LAMB1: variants seen among roughly 807,000 people sequenced by gnomAD.
LAMB1 encodes laminin subunit beta 1, also known as laminin subunit beta-1.
In LAMB1, 121 loss-of-function variants were observed where a neutral mutation model predicts 222.3. The ratio of observed to expected loss-of-function variants is 0.54; its 90% CI spans 0.47 to 0.63. The LOEUF is 0.63. LAMB1 is among the 30% of genes least tolerant of loss of function. LAMB1 has a pLI of 0.00. For missense variants in LAMB1, 2,172 were observed against 2,240.8 expected (o/e 0.97, Z 0.62); for synonymous variants, 794 against 807.2 (o/e 0.98, Z 0.28).
In LAMB1 at chr7:107,977,975, A is replaced by G. The variant is rs11769960; in HGVS notation, c.1000+72T>C. On this transcript the variant is annotated intron_variant, in intron 9 of 33. Transcript: ENST00000222399. ...ACCCTCTGCAAAACAGTACACTGTT[A>G]CAGTACCTCTAATTAGGAAATGGAT... is the stretch of plus-strand genomic sequence containing the variant. The G allele has an allele frequency of 0.094, 146,344 of 1,562,460 alleles. 7,452 individuals are homozygous for G. Among genetic ancestry groups the G allele is most frequent in the Admixed American group, 0.16 (9,222 of 59,442 alleles).
chr7:107,977,896 G>C, intron 9 of LAMB1, 151 bp downstream of exon 9: 2 of 764,142 alleles, frequency 2.6e-6, no homozygotes, highest in South Asian at 3.6e-5. Flanking sequence ...AATGCAGATT[G>C]TTGGTTGTCT....
chr7:107,965,789 C>T (rs1375806238), intron 13 of LAMB1, among the ~76,000 whole-genome samples: 2 of 152,042 alleles, frequency 1.3e-5, no homozygotes, highest in Non-Finnish European at 2.9e-5. Context: ...GAACACTTTG[C>T]ACTCACAGGC....
chr7:107,991,092 A>C (rs1268440897), intron 5 of LAMB1, among the ~76,000 whole-genome samples: 1 of 152,144 alleles, frequency 6.6e-6, no homozygotes, highest in Non-Finnish European at 1.5e-5. Flanking sequence ...TTTTTTTTAA[A>C]AGATTCAGAA....
chr7:107,975,593 T>C, intron 10 of LAMB1, 96 bp downstream of exon 10: 2 of 1,313,268 alleles, frequency 1.5e-6, no homozygotes, highest in Admixed American at 4.3e-5. Flanking sequence ...ATGCTGGCTT[T>C]ACTGCTCATA....
At chr7:107,998,885 GA>G (rs919376566) in intron 3 of LAMB1, among the ~76,000 whole-genome samples, 3 of 152,068 alleles carry the variant, frequency 2.0e-5, no homozygotes, top group Non-Finnish European at 4.4e-5. Context: ...AAAAATGAAA[GA>G]AAAAAATACA....
chr7:107,963,238 GA>G (rs1334420283), intron 14 of LAMB1, among the ~76,000 whole-genome samples, 175 bp from the exon 15 acceptor site: 6 of 152,174 alleles, frequency 3.9e-5, no homozygotes, highest in Non-Finnish European at 8.8e-5. Context: ...ATCCAAACAG[GA>G]AACTGGTTTC....
At chr7:107,929,673 TC>T in intron 29 of LAMB1, 54 bp from the exon 30 acceptor site, 1 of 1,418,446 alleles carries the variant, frequency 7.0e-7, no homozygotes, top group Non-Finnish European at 9.9e-7. Flanking sequence ...GATGGTTCAT[TC>T]ATTCAACCAC....
At chr7:108,003,026 G>A (rs2034421622) in intron 1 of LAMB1, 55 bp from the exon 2 acceptor site, 5 of 1,461,106 alleles carry the variant, frequency 3.4e-6, no homozygotes, top group South Asian at 2.9e-5. Flanking sequence ...GAGAAGAGGC[G>A]CCCTTCCATT....
At chr7:108,001,526 G>A (rs1344020996) in intron 3 of LAMB1, 32 bp downstream of exon 3, 3 of 1,551,884 alleles carry the variant, frequency 1.9e-6, no homozygotes, top group Non-Finnish European at 2.6e-6. Context: ...GGAGGCGCTA[G>A]CAGAGCCTCG....
chr7:107,950,645 T>C (rs941698109), intron 24 of LAMB1, among the ~76,000 whole-genome samples: 1 of 152,216 alleles, frequency 6.6e-6, no homozygotes, highest in Non-Finnish European at 1.5e-5. Context: ...AGCCCTTTGT[T>C]GTGCACGAAG....
At chr7:107,949,463 T>G (rs1263559470) in intron 24 of LAMB1, among the ~76,000 whole-genome samples, 1 of 152,192 alleles carries the variant, frequency 6.6e-6, no homozygotes, top group East Asian at 1.9e-4. Flanking sequence ...CATTACAAGT[T>G]TGAGGAATTT....
chr7:107,963,210 T>G, intron 14 of LAMB1, 147 bp from the exon 15 acceptor site: 1 of 726,016 alleles, frequency 1.4e-6, no homozygotes, highest in Non-Finnish European at 2.2e-6. Flanking sequence ...CCCTAATAGA[T>G]TGTAAAAAGT....
intron 24 of LAMB1, 71 bp from the exon 25 acceptor site, chr7:107,940,429 AATACTCACTTCAC>A (rs2032954413): frequency 6.8e-7 from 1 of 1,480,470 alleles, no homozygotes; most frequent in African/African-American, 1.4e-5. Flanking sequence ...TGGCATTTAG[AATACTCACTTCAC>A]TGTGAAAATG....
chr7:107,986,416 T>C (rs1010527578), intron 5 of LAMB1, 53 bp from the exon 6 acceptor site: 1 of 1,464,170 alleles, frequency 6.8e-7, no homozygotes, highest in African/African-American at 1.4e-5. Flanking sequence ...TAGTCTCTAC[T>C]TTTTTTAATC....
chr7:107,933,216 G>A (rs1562975215), intron 27 of LAMB1, among the ~76,000 whole-genome samples: 1 of 152,160 alleles, frequency 6.6e-6, no homozygotes, highest in South Asian at 2.1e-4. Context: ...AGGCTGAGCA[G>A]GGAGAAAATT....
At position 107,961,571 on chromosome 7, in the gene LAMB1, C is replaced by A; in HGVS notation, c.1963G>T (p.Val655Leu). 1.9e-6 allele frequency: 3 copies of A among 1,613,914 alleles called. No homozygotes were observed. The South Asian group carries it at 3.3e-5, about 18-fold the overall frequency. ...GACCTTGAGCCTGGTGATAATGACACCACCTGGTTGTCATCATCGGGGATG... is the reference window on the plus strand; with the variant it reads ...GACCTTGAGCCTGGTGATAATGACAACACCTGGTTGTCATCATCGGGGATG... ...NTIPDDDNQV[V>L]SLSPGSRYVV... Residue 655 changes from valine to leucine, a missense_variant, in exon 16 of 34, where the codon GTG becomes TTG. Transcript: ENST00000222399.
At chr7:107,933,955 T>G (rs2032774107) in intron 27 of LAMB1, among the ~76,000 whole-genome samples, 1 of 151,928 alleles carries the variant, frequency 6.6e-6, no homozygotes, top group African/African-American at 2.4e-5. Context: ...CTGTTTCTTG[T>G]AGGTCACACA....
chr7:108,001,608 T>C lies in LAMB1; in HGVS notation c.163A>G (p.Thr55Ala), dbSNP rs761275143. 1 of 1,613,080 alleles carries C rather than the reference T, an allele frequency of 6.2e-7. No homozygotes were observed. The highest frequency in any genetic ancestry group is 1.1e-5 in the South Asian group (1 of 90,936). Residue 55 changes from threonine (T) to alanine (A), a missense_variant, in exon 3 of 34, where the codon ACG becomes GCG. Physicochemically the swap from Thr to Ala is moderately conservative, Grantham distance 58. Coordinates refer to ENST00000222399, the MANE Select transcript of LAMB1 (RefSeq NM_002291.3). ...GGTTCGGGCTTGTGCAGCCCGCACG[T>C]CGAGGTCACCGAAAGCTTCTGTGCT... ...GRAQKLSVTS[T>A]CGLHKPEPYC... is the part of the protein sequence containing the mutation.
At chr7:107,938,273 T>C (rs1343354630) in intron 25 of LAMB1, among the ~76,000 whole-genome samples, 1 of 152,232 alleles carries the variant, frequency 6.6e-6, no homozygotes, top group Non-Finnish European at 1.5e-5. Context: ...AGGGATGGTT[T>C]AAAATGGTAG....
Sources: gnomAD v4.1 joint callset for allele counts (sites outside exome capture counted in the v4.1 genomes callset) on GRCh38, gnomAD v4.1.1 for gene constraint, MANE v1.5 for transcripts, NCBI Gene and HGNC (gene_info 2026-07-23, HGNC 2026-07-21) for gene names.